The following OR2L13 variants were observed in gnomAD, a reference collection of about 807,000 sequenced individuals.
OR2L13 encodes the protein olfactory receptor 2L13.
OR2L13 carries 14 observed loss-of-function variants against 15.3 expected under a neutral mutation model. The ratio of observed to expected loss-of-function variants is 0.91; its 90% CI spans 0.60 to 1.43. The LOEUF is 1.43. OR2L13 is among the 40% of genes most tolerant of loss of function. The pLI is 0.00. For missense variants in OR2L13, 367 were observed against 387.9 expected, an observed-to-expected ratio of 0.95 and a Z score of 0.45; for synonymous variants, 152 against 142.9, an observed-to-expected ratio of 1.06 and a Z score of -0.45.
At chr1:247,964,791 A>T in the OR2L13 span, among the ~76,000 whole-genome samples, 1 of 150,610 alleles carries the variant, frequency 6.6e-6, no homozygotes, top group South Asian at 2.1e-4. Context: ...ATATATGTGT[A>T]TATGTATTGC....
At chr1:248,026,283 A>T in the OR2L13 span, among the ~76,000 whole-genome samples, 1 of 152,218 alleles carries the variant, frequency 6.6e-6, no homozygotes, top group Non-Finnish European at 1.5e-5. Flanking sequence ...TGAACTGTGC[A>T]GTCCACTTAT....
At chr1:247,975,498 A>T in the OR2L13 span, 2 of 929,104 alleles carry the variant, frequency 2.2e-6, no homozygotes, top group South Asian at 2.6e-5. Context: ...ATACCTATCT[A>T]TATCCAAGAT....
chr1:247,972,735 C>A, the OR2L13 span, among the ~76,000 whole-genome samples: 2 of 152,110 alleles, frequency 1.3e-5, no homozygotes, highest in African/African-American at 2.4e-5. Flanking sequence ...GAAACTATTC[C>A]AAACAATAGA....
chr1:248,090,652 T>C (rs1307194856), upstream of OR2L13, among the ~76,000 whole-genome samples: 2 of 152,242 alleles, frequency 1.3e-5, no homozygotes, highest in African/African-American at 2.4e-5. Context: ...TTTCGTGGTG[T>C]ATATGTACTA....
At chr1:247,971,747 C>T in the OR2L13 span, among the ~76,000 whole-genome samples, 45 of 152,286 alleles carry the variant, frequency 3.0e-4, no homozygotes, top group Non-Finnish European at 2.8e-4. Flanking sequence ...AGGACTGGAA[C>T]TCAGCTCTGG....
the OR2L13 span, among the ~76,000 whole-genome samples, chr1:248,055,521 C>T: frequency 6.6e-6 from 1 of 152,104 alleles, no homozygotes; most frequent in South Asian, 2.1e-4. Context: ...TCTGGAAGGC[C>T]AAGGCAGGTG....
the OR2L13 span, among the ~76,000 whole-genome samples, chr1:247,954,961 T>TC: frequency 1.4e-5 from 2 of 144,918 alleles, no homozygotes; most frequent in Non-Finnish European, 3.1e-5. Flanking sequence ...TATATATATA[T>TC]TTTTACTTTA....
chr1:247,962,485 A>G, the OR2L13 span, among the ~76,000 whole-genome samples: 718 of 152,356 alleles, frequency 4.7e-3, 11 homozygotes, highest in African/African-American at 0.016. Context: ...TACTAATTTT[A>G]TCACAAGTTA....
chr1:247,967,417 C>CG, the OR2L13 span, among the ~76,000 whole-genome samples: 1 of 152,146 alleles, frequency 6.6e-6, no homozygotes, highest in East Asian at 1.9e-4. Flanking sequence ...TTAGTAGAGA[C>CG]TGGTTTTCAC....
At chr1:247,960,781 C>G in the OR2L13 span, among the ~76,000 whole-genome samples, 1 of 152,166 alleles carries the variant, frequency 6.6e-6, no homozygotes, top group Admixed American at 6.6e-5. Flanking sequence ...TTGCTAAGAC[C>G]ATTCGAAAGT....
chr1:248,061,264 G>T, the OR2L13 span: 5 of 1,608,828 alleles, frequency 3.1e-6, no homozygotes, highest in South Asian at 5.5e-5. Flanking sequence ...CTGGGTCTAT[G>T]AGGGCACAGT....
chr1:248,070,848 C>T, the OR2L13 span, among the ~76,000 whole-genome samples: 1 of 152,134 alleles, frequency 6.6e-6, no homozygotes, highest in African/African-American at 2.4e-5. Flanking sequence ...CTGCAAACAC[C>T]TCCACGCAAA....
chr1:247,940,143 C>T, the OR2L13 span, among the ~76,000 whole-genome samples: 4 of 152,152 alleles, frequency 2.6e-5, no homozygotes, highest in African/African-American at 9.7e-5. Flanking sequence ...TATATACATA[C>T]ACATACTTAC....
chr1:248,023,593 C>A, the OR2L13 span: 3 of 152,180 alleles, frequency 2.0e-5, no homozygotes, highest in Non-Finnish European at 4.4e-5. Flanking sequence ...CTCTTCTGAA[C>A]AATTTTTTTC....
At chr1:247,951,815 C>T in the OR2L13 span, among the ~76,000 whole-genome samples, 1 of 152,184 alleles carries the variant, frequency 6.6e-6, no homozygotes, top group Non-Finnish European at 1.5e-5. Context: ...CTTGCTGCTG[C>T]CAGGGCAAGC....
At chr1:248,006,266 T>C in the OR2L13 span, among the ~76,000 whole-genome samples, 4 of 151,278 alleles carry the variant, frequency 2.6e-5, no homozygotes, top group African/African-American at 9.7e-5. Flanking sequence ...TGTGTGTGTG[T>C]GTGTGTGTGT....
At chr1:247,952,594 G>T in the OR2L13 span, among the ~76,000 whole-genome samples, 38 of 152,236 alleles carry the variant, frequency 2.5e-4, no homozygotes, top group African/African-American at 8.9e-4. Flanking sequence ...CTTTGTCTTG[G>T]ACTTCCCAGC....
the OR2L13 span, among the ~76,000 whole-genome samples, chr1:247,969,236 TG>T: frequency 6.6e-6 from 1 of 152,094 alleles, no homozygotes; most frequent in Admixed American, 6.5e-5. Flanking sequence ...TCATAGATTC[TG>T]GGTATTAGCC....
chr1:247,967,690 C>T, the OR2L13 span, among the ~76,000 whole-genome samples: 2 of 151,288 alleles, frequency 1.3e-5, no homozygotes, highest in Non-Finnish European at 2.9e-5. Flanking sequence ...CTTTTTCCTC[C>T]CCCCTTACTT....
Sources: allele counts gnomAD v4.1 joint callset (sites outside exome capture counted in the v4.1 genomes callset), GRCh38; gene constraint gnomAD v4.1.1; transcripts MANE v1.5; gene names NCBI Gene and HGNC (gene_info 2026-07-23, HGNC 2026-07-21).